The following RNH1 variants were observed in gnomAD, a reference collection of about 807,000 sequenced individuals.
RNH1 encodes the protein ribonuclease inhibitor.
A neutral mutation model predicts 46.1 loss-of-function variants in RNH1; 38 were observed. The observed-to-expected ratio is 0.82, with a 90% CI of 0.64 to 1.08. The LOEUF (loss-of-function observed/expected upper bound fraction) is 1.08, where lower values mean the gene tolerates loss of function less well. Ranked by LOEUF, RNH1 falls within the 50% of genes least tolerant of loss-of-function variation. RNH1 has a pLI of 0.00. For synonymous variants in RNH1, 319 were observed against 279.1 expected (o/e 1.14, Z -1.43); for missense variants, 577 against 590.7 (o/e 0.98, Z 0.24).
At chr11:498,665 C>T (rs375021122) in intron 7 of RNH1, 38 bp from the exon 8 acceptor site, 91 of 1,607,430 alleles carry the variant, frequency 5.7e-5, no homozygotes, top group Middle Eastern at 5.0e-4. Flanking sequence ...TCCTCAGCAC[C>T]GTCTCATGGC....
At chr11:500,803 G>A in intron 3 of RNH1, 149 bp from the exon 4 acceptor site, 1 of 913,846 alleles carries the variant, frequency 1.1e-6, no homozygotes, top group South Asian at 1.4e-5. Flanking sequence ...GAAACAAAAA[G>A]GAGGAACTGT....
chr11:499,283 A>G, intron 5 of RNH1, 98 bp from the exon 6 acceptor site: 1 of 1,333,160 alleles, frequency 7.5e-7, no homozygotes, highest in Non-Finnish European at 1.0e-6. Flanking sequence ...ATCTCCCCTC[A>G]GTCTTCTGCC....
intron 9 of RNH1, among the ~76,000 whole-genome samples, chr11:496,408 G>A (rs1472921693): frequency 3.3e-5 from 5 of 152,196 alleles, no homozygotes; most frequent in South Asian, 2.1e-4. Context: ...GGTGGCTCAC[G>A]CCTGTAATCC....
At chr11:499,406 C>G in intron 5 of RNH1, 1 of 671,898 alleles carries the variant, frequency 1.5e-6, no homozygotes, top group Non-Finnish European at 2.7e-6. Flanking sequence ...GGACCTCAGA[C>G]TTTGGGGCCC....
intron 3 of RNH1, chr11:500,925 T>A: frequency 1.9e-6 from 1 of 539,300 alleles, no homozygotes. Flanking sequence ...GGTCGGGAGT[T>A]CAAGACCAAC....
chr11:497,854 G>T, intron 9 of RNH1, 117 bp downstream of exon 9: 1 of 1,267,760 alleles, frequency 7.9e-7, no homozygotes, highest in Non-Finnish European at 1.1e-6. Context: ...ACCCATGTGT[G>T]CTCACATACA....
intron 5 of RNH1, 24 bp downstream of exon 5, chr11:499,805 C>T (rs1218433022): frequency 6.3e-7 from 1 of 1,595,776 alleles, no homozygotes; most frequent in Admixed American, 1.7e-5. Context: ...CCAGCATGGG[C>T]CCTGGGGCAG....
chr11:498,146 G>A lies in RNH1; in HGVS notation c.957-5C>T, dbSNP rs899783880. The A allele has an allele frequency of 2.5e-6, 4 of 1,612,128 alleles. No homozygotes were observed. Among genetic ancestry groups the A allele is most frequent in the Non-Finnish European group, 1.7e-6 (2 of 1,179,122 alleles). ...GTGAAGCTGCAGGACTTCACCCTGT[G>A]GACACAGACAGGACTGACGCCTGGC... is the stretch of plus-strand genomic sequence containing the variant. On this transcript the variant is annotated splice_region_variant and splice_polypyrimidine_tract_variant and intron_variant, in intron 8 of 10. Coordinates refer to ENST00000354420, the MANE Select transcript of RNH1 (RefSeq NM_203387.3).
intron 5 of RNH1, chr11:499,591 C>A (rs953714369): frequency 2.8e-6 from 2 of 718,016 alleles, no homozygotes; most frequent in African/African-American, 1.7e-5. Flanking sequence ...CTGTGCCTTG[C>A]AAAGGACAAC....
At position 498,596 on chromosome 11, in the gene RNH1, A is replaced by T. The variant is rs1436686661; in HGVS notation, c.817T>A (p.Cys273Ser). The T allele has an allele frequency of 6.2e-7, 1 of 1,612,792 alleles. No homozygotes were observed. The highest frequency in any genetic ancestry group is 1.1e-5 in the South Asian group (1 of 91,086). Residue 273 changes from cysteine (C) to serine (S), a missense_variant, in exon 8 of 11, where the codon TGC (cysteine) becomes AGC (serine). By Grantham distance (112) the Cys-to-Ser change is moderately radical. Coordinates refer to ENST00000354420, the MANE Select transcript of RNH1 (RefSeq NM_203387.3). ...IWECGITAKG[C>S]GDLCRVLRAK... ...CTGAGGACACGGCACAGATCCCCGC[A>T]GCCCTTGGCAGTGATGCCACACTCC...
intron 4 of RNH1, chr11:500,267 G>C (rs1446108996): frequency 1.0e-5 from 7 of 683,778 alleles, no homozygotes; most frequent in Non-Finnish European, 1.5e-5. Context: ...GGCAGGGCCA[G>C]ATCTTGGGTG....
At chr11:499,804 G>C (rs756337831) in intron 5 of RNH1, 25 bp downstream of exon 5, 1 of 1,594,650 alleles carries the variant, frequency 6.3e-7, no homozygotes, top group African/African-American at 1.3e-5. Flanking sequence ...GCCAGCATGG[G>C]CCCTGGGGCA....
Position 501,697 on chromosome 11 carries a change from C to A in RNH1, c.101+365G>T. 1 of 245,302 alleles carries A rather than the reference C, an allele frequency of 4.1e-6. No individual in the cohort carries two copies. Among genetic ancestry groups the A allele is most frequent in the Non-Finnish European group, 8.0e-6 (1 of 125,354 alleles). 15.2% of individuals were successfully genotyped at this position (245,302 alleles called of 1,614,324 possible). A position where few individuals can be genotyped will look rare whatever the true frequency, so the allele number is the denominator to read the frequency against. ...TCGAGGGCCGAGGACTCCCAGCCCC[C>A]AGCTTGGCAGGGACAAGCAGCGCCC... On this transcript the variant is annotated intron_variant, in intron 3 of 10. Coordinates refer to ENST00000354420, the MANE Select transcript of RNH1 (RefSeq NM_203387.3). The surrounding 1 kb of genome is among the most constrained non-coding windows in gnomAD (Gnocchi z 4.1).
rs548236513 is a variant in RNH1 at position 499,662 on chromosome 11, G to A, written c.443+167C>T. On this transcript the variant is annotated intron_variant, in intron 5 of 10. Transcript: ENST00000354420. ...GCCCCAGCATCATGGGGAGAGGAGAGCACCACAAGGCCCCAGACCCAGCAT... is the reference window on the plus strand; with the variant it reads ...GCCCCAGCATCATGGGGAGAGGAGAACACCACAAGGCCCCAGACCCAGCAT... 2.1e-5 allele frequency: 17 copies of A among 800,918 alleles called. No individual in the cohort carries two copies. The African/African-American group carries it at 2.8e-4, about 13-fold the overall frequency. 49.6% of individuals were successfully genotyped at this position (800,918 alleles called of 1,614,324 possible). A position where few individuals can be genotyped will look rare whatever the true frequency, so the allele number is the denominator to read the frequency against.
Position 494,570 on chromosome 11 carries a change from A to G in RNH1, c.*121T>C. 1.2e-6 allele frequency: 1 copy of G among 834,844 alleles called. No individual in the cohort carries two copies. The highest frequency in any genetic ancestry group is 1.4e-5 in the South Asian group (1 of 69,708). The allele number at this position is 834,844 out of a possible 1,614,324, so 51.7% of individuals were successfully genotyped here. On this transcript the variant is annotated 3_prime_UTR_variant, in exon 11 of 11. Coordinates refer to ENST00000354420, the MANE Select transcript of RNH1 (RefSeq NM_203387.3). ...TGTCCAAAATATACTGGCAGAAATA[A>G]GCGGATCTGAGCGTTTCTCTTCAAA...
chr11:494,614 A>G lies in RNH1; in HGVS notation c.*77T>C. On this transcript the variant is annotated 3_prime_UTR_variant, in exon 11 of 11. Coordinates refer to ENST00000354420, the MANE Select transcript of RNH1 (RefSeq NM_203387.3). ...CTTCAAACCTAGGATATGCAGGGTG[A>G]GAGCATGGCAGGGGCTGGTGGGCCC... 1 of 1,232,702 alleles carries G rather than the reference A, an allele frequency of 8.1e-7. No homozygotes were observed. The highest frequency in any genetic ancestry group is 1.2e-6 in the Non-Finnish European group (1 of 843,844). The allele number at this position is 1,232,702 out of a possible 1,614,324, so 76.4% of individuals were successfully genotyped here. A position where few individuals can be genotyped will look rare whatever the true frequency, so the allele number is the denominator to read the frequency against.
intron 2 of RNH1, chr11:504,428 C>A: frequency 6.5e-6 from 1 of 153,518 alleles, no homozygotes; most frequent in South Asian, 1.9e-4. Flanking sequence ...GACGCTCACC[C>A]GACGCCGCCG....
chr11:499,024 T>C lies in RNH1; in HGVS notation c.605A>G (p.Glu202Gly). The stretch of plus-strand genomic sequence containing the variant: ...AAGGCCCAGTGCCTACTTGAGCGCC[T>C]CCAGCTGGCAGGGGGAGTCCTTCAG... Reference protein sequence around the residue: ...QGLKDSPCQLEALKLESCGVT... With the variant: ...QGLKDSPCQLGALKLESCGVT... Residue 202 changes from glutamate (E) to glycine (G), a missense_variant, in exon 6 of 11, where the codon GAG becomes GGG. Transcript: ENST00000354420. 2 of 1,612,492 alleles carry C rather than the reference T, an allele frequency of 1.2e-6. No individual in the cohort carries two copies. Among genetic ancestry groups the C allele is most frequent in the African/African-American group, 1.3e-5 (1 of 74,844 alleles).
At chr11:500,827 T>C in intron 3 of RNH1, 173 bp from the exon 4 acceptor site, 1 of 831,306 alleles carries the variant, frequency 1.2e-6, no homozygotes, top group Non-Finnish European at 2.0e-6. Flanking sequence ...ATGAAAGTTT[T>C]GTTTAAGATG....
Sources: gnomAD v4.1 joint callset for allele counts (sites outside exome capture counted in the v4.1 genomes callset) on GRCh38, gnomAD v4.1.1 for gene constraint, Gnocchi (gnomAD v3.1) non-coding constraint, MANE v1.5 for transcripts, NCBI Gene and HGNC (gene_info 2026-07-23, HGNC 2026-07-21) for gene names.